EIF4G3: variants seen among roughly 807,000 people sequenced by gnomAD.
EIF4G3 encodes eukaryotic translation initiation factor 4 gamma 3.
EIF4G3 carries 34 observed loss-of-function variants against 186.4 expected under a neutral mutation model. The ratio of observed to expected loss-of-function variants is 0.18; its 90% confidence interval spans 0.14 to 0.24. The LOEUF (loss-of-function observed/expected upper bound fraction) is 0.24, where lower values mean the gene tolerates loss of function less well. Among genes scored for constraint, EIF4G3 ranks in the 10% least tolerant of loss-of-function variants. The probability of loss-of-function intolerance (pLI) is 1.00; values close to 1 mark genes in which losing one functional copy is unlikely to be tolerated. For missense variants in EIF4G3, 1,536 were observed against 1,948.5 expected (o/e 0.79, Z 3.99); for synonymous variants, 673 against 679.5 (o/e 0.99, Z 0.15).
chr1:20,940,012 G>T (rs2095657655), intron 14 of EIF4G3, among the ~76,000 whole-genome samples: 1 of 151,878 alleles, frequency 6.6e-6, no homozygotes, highest in South Asian at 2.1e-4. Flanking sequence ...ACACTGCCAT[G>T]CCTGGCTATT....
Position 20,862,294 on chromosome 1 carries a change from A to T in EIF4G3, c.3045T>A (p.Ile1015=). 1.2e-6 allele frequency: 2 copies of T among 1,612,832 alleles called. No homozygotes were observed. The highest frequency in any genetic ancestry group is 8.5e-7 in the Non-Finnish European group (1 of 1,179,322). The change falls in exon 23 of 37, where the codon ATT becomes ATA. Residue 1015 remains isoleucine, a synonymous_variant. Coordinates refer to ENST00000602326, the MANE Select transcript of EIF4G3 (RefSeq NM_001391906.1). ...TAGATGAGGTTTTTCTTTCTTTCAC[A>T]ATTTTCTCCATCTGATTAAAGTACT... ...MDQYFNQMEK[I]VKERKTSSRI...
chr1:20,927,427 A>G (rs879795206), intron 14 of EIF4G3, among the ~76,000 whole-genome samples: 7 of 152,336 alleles, frequency 4.6e-5, no homozygotes, highest in African/African-American at 1.2e-4. Flanking sequence ...TCTTAGACAG[A>G]TATCTGGCAT....
At chr1:21,083,095 C>A (rs1026413599) in intron 3 of EIF4G3, among the ~76,000 whole-genome samples, 1 of 141,428 alleles carries the variant, frequency 7.1e-6, no homozygotes, top group Non-Finnish European at 1.5e-5. Flanking sequence ...TAGCTGGGCA[C>A]GGTGGCTTGT....
chr1:20,853,782 C>G (rs1199244317), intron 26 of EIF4G3, 105 bp from the exon 27 acceptor site: 4 of 798,404 alleles, frequency 5.0e-6, no homozygotes, highest in Non-Finnish European at 8.4e-6. Context: ...GCATTCCTAA[C>G]AAGCTTAGGT....
At chr1:21,109,983 T>G (rs981307975) in intron 2 of EIF4G3, among the ~76,000 whole-genome samples, 1 of 152,050 alleles carries the variant, frequency 6.6e-6, no homozygotes, top group Admixed American at 6.6e-5. Flanking sequence ...TGGAAACGTT[T>G]CGCTATGTTG....
chr1:21,112,334 C>A (rs1275079119), intron 2 of EIF4G3, among the ~76,000 whole-genome samples: 4 of 152,176 alleles, frequency 2.6e-5, no homozygotes, highest in Non-Finnish European at 5.9e-5. Context: ...TCACCCCACT[C>A]AGAGCCACCC....
At chr1:21,083,700 T>TA (rs1001345838) in intron 3 of EIF4G3, among the ~76,000 whole-genome samples, 11 of 152,178 alleles carry the variant, frequency 7.2e-5, no homozygotes, top group African/African-American at 2.6e-4. Context: ...TAGATCAAAC[T>TA]AAAAAAATAC....
chr1:20,994,591 G>A (rs2081873952), intron 7 of EIF4G3, among the ~76,000 whole-genome samples: 1 of 149,706 alleles, frequency 6.7e-6, no homozygotes, highest in Non-Finnish European at 1.5e-5. Context: ...TATGTTTCTT[G>A]GTAAGAAATA....
intron 2 of EIF4G3, among the ~76,000 whole-genome samples, chr1:21,170,168 C>T (rs1162822324): frequency 6.8e-6 from 1 of 146,488 alleles, no homozygotes; most frequent in Non-Finnish European, 1.5e-5. Context: ...AAGAGTGAAA[C>T]TCCATCTCAA....
chr1:20,814,758 C>T (rs867138486), intron 34 of EIF4G3, among the ~76,000 whole-genome samples: 366 of 32,856 alleles, frequency 0.011, 5 homozygotes, highest in African/African-American at 0.05. Flanking sequence ...TCTCCCCCTC[C>T]CCCTCCCCCT....
chr1:20,878,184 C>T (rs1240521979), intron 20 of EIF4G3, among the ~76,000 whole-genome samples: 1 of 152,124 alleles, frequency 6.6e-6, no homozygotes, highest in African/African-American at 2.4e-5. Flanking sequence ...TAATTTTAAA[C>T]TTTAAATTTT....
Position 21,090,109 on chromosome 1 carries a change from C to A in EIF4G3, c.-271-896G>T, listed in dbSNP as rs144531177. On this transcript the variant is annotated intron_variant, in intron 2 of 36. Transcript: ENST00000602326. ...ACAGTAGTACATCCACTTGATATTT[C>A]TGTATTTCAAATTGCTGTGATTTAT... Among the ~76,000 whole-genome samples the A allele has an allele frequency of 7.2e-3, 1,092 of 152,248 alleles. 5 individuals are homozygous for A. The highest frequency in any genetic ancestry group is 0.012 in the Non-Finnish European group (840 of 68,006).
intron 2 of EIF4G3, among the ~76,000 whole-genome samples, chr1:21,136,533 C>T (rs1037096545): frequency 6.6e-6 from 1 of 151,454 alleles, no homozygotes; most frequent in South Asian, 2.1e-4. Context: ...AAAACAAAAA[C>T]AAACAAACAA....
At chr1:21,060,323 C>T (rs1286150571) in intron 3 of EIF4G3, among the ~76,000 whole-genome samples, 1 of 152,198 alleles carries the variant, frequency 6.6e-6, no homozygotes, top group African/African-American at 2.4e-5. Context: ...ATTCCCTCCT[C>T]TGAAGAATAA....
intron 10 of EIF4G3, among the ~76,000 whole-genome samples, chr1:20,977,466 C>G (rs2077088289): frequency 6.6e-6 from 1 of 152,184 alleles, no homozygotes; most frequent in Non-Finnish European, 1.5e-5. Flanking sequence ...GGATTACAGG[C>G]ATGAGCCACC....
chr1:21,066,930 C>T (rs2095263829), intron 3 of EIF4G3, among the ~76,000 whole-genome samples: 1 of 151,970 alleles, frequency 6.6e-6, no homozygotes, highest in Non-Finnish European at 1.5e-5. Flanking sequence ...AGGGAATATC[C>T]CACAGTTCAA....
chr1:21,069,364 C>T (rs1214959377), intron 3 of EIF4G3, among the ~76,000 whole-genome samples: 1 of 152,174 alleles, frequency 6.6e-6, no homozygotes, highest in African/African-American at 2.4e-5. Flanking sequence ...TTTACATAAT[C>T]ATTAATGTCT....
intron 29 of EIF4G3, among the ~76,000 whole-genome samples, chr1:20,848,385 G>C (rs1468181862): frequency 6.6e-6 from 1 of 152,128 alleles, no homozygotes; most frequent in East Asian, 1.9e-4. Context: ...AGCCTTTCCT[G>C]ACCTCACATC....
intron 33 of EIF4G3, among the ~76,000 whole-genome samples, chr1:20,820,855 C>T (rs1182791348): frequency 6.6e-6 from 1 of 151,924 alleles, no homozygotes; most frequent in Admixed American, 6.6e-5. Context: ...CAGAGACCTG[C>T]AGAAATGTCC....
Sources: gnomAD v4.1 joint callset for allele counts (sites outside exome capture counted in the v4.1 genomes callset) on GRCh38, gnomAD v4.1.1 for gene constraint, MANE v1.5 for transcripts, NCBI Gene and HGNC (gene_info 2026-07-23, HGNC 2026-07-21) for gene names.